OXTR: variants seen among roughly 807,000 people sequenced by gnomAD.
The protein encoded by OXTR is oxytocin receptor.
Under a neutral mutation model 23.9 loss-of-function variants are expected in OXTR, and 19 were observed. The observed-to-expected ratio is 0.80, with a 90% confidence interval of 0.56 to 1.17. The LOEUF (loss-of-function observed/expected upper bound fraction) is 1.17, where lower values mean the gene tolerates loss of function less well. Ranked by LOEUF, OXTR falls within the 50% of genes most tolerant of loss-of-function variation. OXTR has a pLI of 0.00. For synonymous variants in OXTR, 278 were observed against 250.5 expected, an observed-to-expected ratio of 1.11 and a Z score of -1.04; for missense variants, 500 against 550.7, an observed-to-expected ratio of 0.91 and a Z score of 0.92.
downstream of OXTR, among the ~76,000 whole-genome samples, chr3:8,747,991 TC>T (rs1708198490): frequency 6.6e-6 from 1 of 152,156 alleles, no homozygotes; most frequent in Non-Finnish European, 1.5e-5. Context: ...TGCATGGGTG[TC>T]CAAGGAGTTC....
At chr3:8,745,204 C>T in the OXTR span, among the ~76,000 whole-genome samples, 1 of 152,100 alleles carries the variant, frequency 6.6e-6, no homozygotes, top group Non-Finnish European at 1.5e-5. The surrounding 1 kb of genome is among the most constrained non-coding windows in gnomAD (Gnocchi z 4.8). Flanking sequence ...TGCTCCCACT[C>T]TCACCAGGGG....
At chr3:8,760,915 A>G (rs1252279103) in intron 3 of OXTR, among the ~76,000 whole-genome samples, 1 of 152,166 alleles carries the variant, frequency 6.6e-6, no homozygotes, top group Non-Finnish European at 1.5e-5. Flanking sequence ...AAAAAGCAGA[A>G]CAAGGGGTCT....
At chr3:8,756,837 C>T (rs1251834124) in intron 3 of OXTR, among the ~76,000 whole-genome samples, 1 of 152,260 alleles carries the variant, frequency 6.6e-6, no homozygotes, top group African/African-American at 2.4e-5. Flanking sequence ...TGGCCACTCC[C>T]AAGCTCCCGG....
chr3:8,743,873 A>T, the OXTR span, among the ~76,000 whole-genome samples: 2 of 151,724 alleles, frequency 1.3e-5, no homozygotes, highest in African/African-American at 2.4e-5. Flanking sequence ...CAAACCCAAG[A>T]CTCTTTTCTT....
At chr3:8,756,036 G>A (rs1462627945) in intron 3 of OXTR, among the ~76,000 whole-genome samples, 2 of 152,174 alleles carry the variant, frequency 1.3e-5, no homozygotes, top group African/African-American at 4.8e-5. Flanking sequence ...CCACTTTACT[G>A]TATGGGCAAT....
At position 8,767,424 on chromosome 3, in the gene OXTR, A is replaced by C. The variant is rs144366756; in HGVS notation, c.764T>G (p.Val255Gly). ...GACGCTGCTGACACGCGCCAGGGCC[A>C]CGCGCCCCCCATCGCCAGCCGCCGC... Reference protein sequence around the residue: ...EGAAAGDGGRVALARVSSVKL... With the variant: ...EGAAAGDGGRGALARVSSVKL... Residue 255 changes from valine (V) to glycine (G), a missense_variant, in exon 3 of 4, where the codon GTG becomes GGG. Physicochemically the swap from Val to Gly is moderately radical, Grantham distance 109. Transcript: ENST00000316793. 1.8e-5 allele frequency: 29 copies of C among 1,607,250 alleles called. No homozygotes were observed. The African/African-American group carries it at 3.6e-4, about 20-fold the overall frequency.
intron 3 of OXTR, among the ~76,000 whole-genome samples, chr3:8,765,955 A>G (rs1200828714): frequency 6.6e-6 from 1 of 152,182 alleles, no homozygotes; most frequent in African/African-American, 2.4e-5. Flanking sequence ...GACCAAAGCA[A>G]AGTTACCAAA....
At chr3:8,749,128 C>T (rs1708213066), downstream of OXTR, among the ~76,000 whole-genome samples, 1 of 152,104 alleles carries the variant, frequency 6.6e-6, no homozygotes, top group South Asian at 2.1e-4. Flanking sequence ...AACCCCTGCG[C>T]TCATTCTTCT....
the OXTR span, chr3:8,742,392 A>C: frequency 5.4e-6 from 2 of 368,756 alleles, no homozygotes; most frequent in African/African-American, 2.2e-5. Flanking sequence ...AAGAAGAAGA[A>C]AGATAATTAA....
Position 8,767,540 on chromosome 3 carries a change from G to T in OXTR, c.648C>A (p.Leu216=). 6.2e-7 allele frequency: 1 copy of T among 1,613,226 alleles called. No individual in the cohort carries two copies. Among genetic ancestry groups the T allele is most frequent in the Non-Finnish European group, 8.5e-7 (1 of 1,179,702 alleles). ...LAVYIVPVIV[L]AACYGLISFK... ...AGCTGATAAGGCCGTAGCAGGCAGC[G>T]AGCACGATGACCGGCACGATGTAGA... Residue 216 remains leucine, a synonymous_variant, in exon 3 of 4, where the codon CTC becomes CTA. Coordinates refer to ENST00000316793, the MANE Select transcript of OXTR (RefSeq NM_000916.4).
chr3:8,745,856 A>G, downstream of OXTR: 2 of 1,611,738 alleles, frequency 1.2e-6, no homozygotes, highest in Non-Finnish European at 1.7e-6. The surrounding 1 kb of genome is among the most constrained non-coding windows in gnomAD (Gnocchi z 4.8). Flanking sequence ...GGTGCTGCGG[A>G]AGGAGGTCTA....
At chr3:8,743,562 G>C in the OXTR span, among the ~76,000 whole-genome samples, 8 of 152,290 alleles carry the variant, frequency 5.3e-5, no homozygotes, top group Admixed American at 5.2e-4. Flanking sequence ...GATTATACAA[G>C]GAAGGTCCTG....
rs752267727 is a variant in OXTR at position 8,754,925 on chromosome 3, G to A, written c.923-1701C>T. ...GAGAGTTTTTAGAAAGCAAAGAATG[G>A]AAATTTAACTCTTAGTATTAAAATA... On this transcript the variant is annotated intron_variant, in intron 3 of 3. Coordinates refer to ENST00000316793, the MANE Select transcript of OXTR (RefSeq NM_000916.4). 3.9e-5 allele frequency among the ~76,000 whole-genome samples: 6 copies of A among 152,122 alleles called. No homozygotes were observed. The East Asian group carries it at 1.2e-3, about 29-fold the overall frequency.
chr3:8,761,583 T>C (rs1184176371), intron 3 of OXTR, among the ~76,000 whole-genome samples: 1 of 152,140 alleles, frequency 6.6e-6, no homozygotes, highest in African/African-American at 2.4e-5. Flanking sequence ...CATCACTTAC[T>C]CAGCAGTGAT....
rs777168482 is a variant in OXTR at position 8,767,447 on chromosome 3, C to G, written c.741G>C (p.Ala247=). The stretch of plus-strand genomic sequence containing the variant: ...CCACGCGCCCCCCATCGCCAGCCGC[C>G]GCGCCCTCTGGCGCCTCGGCCGCCG... The part of the protein sequence containing the change: ...AAAAAEAPEG[A]AAGDGGRVAL... The change falls in exon 3 of 4, where the codon GCG becomes GCC. Residue 247 remains alanine, a synonymous_variant. Coordinates refer to ENST00000316793, the MANE Select transcript of OXTR (RefSeq NM_000916.4). 1 of 1,603,388 alleles carries G rather than the reference C, an allele frequency of 6.2e-7. No homozygotes were observed. The highest frequency in any genetic ancestry group is 8.5e-7 in the Non-Finnish European group (1 of 1,175,314).
At chr3:8,747,161 G>A (rs1433627387), downstream of OXTR, among the ~76,000 whole-genome samples, 1 of 152,100 alleles carries the variant, frequency 6.6e-6, no homozygotes, top group Non-Finnish European at 1.5e-5. Context: ...CACGAGCCCA[G>A]TGGTCTTGGG....
the OXTR span, among the ~76,000 whole-genome samples, chr3:8,743,404 C>G: frequency 6.6e-6 from 1 of 152,094 alleles, no homozygotes; most frequent in Non-Finnish European, 1.5e-5. Flanking sequence ...TCCCAGCCAG[C>G]CACCACCTCC....
chr3:8,768,356 G>A lies in OXTR; in HGVS notation c.-142-27C>T. 1 of 1,097,336 alleles carries A rather than the reference G, an allele frequency of 9.1e-7. No homozygotes were observed. The highest frequency in any genetic ancestry group is 1.1e-6 in the Non-Finnish European group (1 of 873,132). 68.0% of individuals were successfully genotyped at this position (1,097,336 alleles called of 1,614,324 possible). A position where few individuals can be genotyped will look rare whatever the true frequency, so the allele number is the denominator to read the frequency against. On this transcript the variant is annotated intron_variant, in intron 2 of 3. Coordinates refer to ENST00000316793, the MANE Select transcript of OXTR (RefSeq NM_000916.4). The surrounding 1 kb of genome is among the most constrained non-coding windows in gnomAD (Gnocchi z 5.4). ...TGAAACAAACCGGGAGGGCCGTGAG[G>A]AGACCGCCGCGTTTCTCTTCCGACG...
At chr3:8,753,682 G>C (rs574597783) in intron 3 of OXTR, among the ~76,000 whole-genome samples, 1 of 152,110 alleles carries the variant, frequency 6.6e-6, no homozygotes. Flanking sequence ...AAGAAGCTTC[G>C]GTTTCCTAAT....
Sources: allele counts gnomAD v4.1 joint callset (sites outside exome capture counted in the v4.1 genomes callset), GRCh38; gene constraint gnomAD v4.1.1; non-coding constraint Gnocchi (gnomAD v3.1); transcripts MANE v1.5; gene names NCBI Gene and HGNC (gene_info 2026-07-23, HGNC 2026-07-21).